FKBP9: variants seen among roughly 807,000 people sequenced by gnomAD.
The protein encoded by FKBP9 is FKBP prolyl isomerase 9.
FKBP9 carries 27 observed loss-of-function variants against 55.6 expected under a neutral mutation model. The ratio of observed to expected loss-of-function variants is 0.49; its 90% CI spans 0.36 to 0.67. The LOEUF is 0.67. FKBP9 is among the 30% of genes least tolerant of loss of function. The pLI, the probability that FKBP9 is intolerant of heterozygous loss-of-function variation, is 0.00. For missense variants in FKBP9, 539 were observed against 742.8 expected (o/e 0.73, Z 3.19); for synonymous variants, 267 against 296.5 (o/e 0.90, Z 1.02).
At chr7:32,982,506 A>C (rs2392177) in intron 5 of FKBP9, among the ~76,000 whole-genome samples, 3 of 151,956 alleles carry the variant, frequency 2.0e-5, no homozygotes, top group Non-Finnish European at 4.4e-5. Context: ...TTACATCTAC[A>C]TGGCGTCCCA....
At chr7:32,967,985 C>T (rs1481419909) in intron 1 of FKBP9, among the ~76,000 whole-genome samples, 2 of 152,178 alleles carry the variant, frequency 1.3e-5, no homozygotes, top group African/African-American at 4.8e-5. Flanking sequence ...TAACTCCCGA[C>T]CTCAGGTGAT....
chr7:32,964,345 TG>T (rs1784092010), intron 1 of FKBP9, among the ~76,000 whole-genome samples: 1 of 152,240 alleles, frequency 6.6e-6, no homozygotes, highest in African/African-American at 2.4e-5. Context: ...GGTATTTTAC[TG>T]GGCTAAGCCC....
intron 1 of FKBP9, among the ~76,000 whole-genome samples, chr7:32,961,102 G>A (rs1306372831): frequency 2.0e-5 from 3 of 152,188 alleles, no homozygotes; most frequent in Non-Finnish European, 2.9e-5. Context: ...AGAAAGGTAA[G>A]TAGCTATGAA....
chr7:32,962,411 A>ACTAT (rs1263909873), intron 1 of FKBP9, among the ~76,000 whole-genome samples: 2 of 152,146 alleles, frequency 1.3e-5, no homozygotes, highest in African/African-American at 4.8e-5. Flanking sequence ...TAACTAACTA[A>ACTAT]ATAAAAGAAT....
At chr7:32,997,841 A>C (rs2127988606) in intron 7 of FKBP9, among the ~76,000 whole-genome samples, 1 of 152,212 alleles carries the variant, frequency 6.6e-6, no homozygotes, top group African/African-American at 2.4e-5. Flanking sequence ...AAAGAAAGAA[A>C]AAGAAAAGAC....
At chr7:33,003,115 A>G (rs1784963451) in intron 9 of FKBP9, among the ~76,000 whole-genome samples, 1 of 152,234 alleles carries the variant, frequency 6.6e-6, no homozygotes. Context: ...TGGGTGCTCA[A>G]TGCCTGCCTG....
chr7:32,980,224 AT>A (rs1222644623), intron 4 of FKBP9, 139 bp from the exon 5 acceptor site: 1 of 712,558 alleles, frequency 1.4e-6, no homozygotes, highest in African/African-American at 1.8e-5. Flanking sequence ...ATGGGGGCCC[AT>A]TCAAGACCTG....
chr7:32,976,741 C>T (rs557448408), intron 4 of FKBP9, among the ~76,000 whole-genome samples: 3 of 152,306 alleles, frequency 2.0e-5, no homozygotes, highest in Non-Finnish European at 4.4e-5. Flanking sequence ...CCATAGTGGA[C>T]AGTGCAGATA....
At chr7:33,003,353 CAG>C (rs1784968112) in intron 9 of FKBP9, among the ~76,000 whole-genome samples, 1 of 152,218 alleles carries the variant, frequency 6.6e-6, no homozygotes, top group African/African-American at 2.4e-5. Flanking sequence ...GCACATCCTC[CAG>C]CCTTTTCCTC....
chr7:32,999,009 T>G (rs186535952), intron 7 of FKBP9, among the ~76,000 whole-genome samples: 3 of 152,154 alleles, frequency 2.0e-5, no homozygotes. Context: ...GATGACTGAG[T>G]TCTGGAATAT....
chr7:33,004,250 T>G (rs1018202393), intron 9 of FKBP9, among the ~76,000 whole-genome samples: 24 of 152,074 alleles, frequency 1.6e-4, no homozygotes, highest in African/African-American at 4.6e-4. Flanking sequence ...TTCATGAAGC[T>G]CCTCCTGCCC....
chr7:32,976,638 A>G (rs1359408726), intron 4 of FKBP9, 139 bp downstream of exon 4: 2 of 1,233,324 alleles, frequency 1.6e-6, no homozygotes, highest in African/African-American at 3.1e-5. Flanking sequence ...CACTAGCTAC[A>G]TGTGGCTATT....
intron 1 of FKBP9, among the ~76,000 whole-genome samples, chr7:32,967,237 T>TA (rs1344958731): frequency 2.6e-5 from 4 of 152,196 alleles, no homozygotes; most frequent in African/African-American, 4.8e-5. Context: ...GTTATTACTT[T>TA]AAAAAAACCA....
At chr7:32,964,334 T>C (rs1232414301) in intron 1 of FKBP9, among the ~76,000 whole-genome samples, 1 of 152,226 alleles carries the variant, frequency 6.6e-6, no homozygotes, top group African/African-American at 2.4e-5. Context: ...TTTGGCTGTA[T>C]GGTATTTTAC....
intron 4 of FKBP9, chr7:32,979,538 T>A: frequency 6.4e-7 from 1 of 1,550,528 alleles, no homozygotes; most frequent in Non-Finnish European, 8.7e-7. Flanking sequence ...CGGCATCTGG[T>A]TTGCTTGTCT....
At chr7:32,988,135 G>A (rs1418590429) in intron 5 of FKBP9, among the ~76,000 whole-genome samples, 1 of 152,158 alleles carries the variant, frequency 6.6e-6, no homozygotes, top group Non-Finnish European at 1.5e-5. Flanking sequence ...AGCTGTCTAT[G>A]ATGGTGCCAC....
chr7:32,989,800 G>A (rs1414747186), intron 6 of FKBP9, among the ~76,000 whole-genome samples: 3 of 152,018 alleles, frequency 2.0e-5, no homozygotes, highest in Non-Finnish European at 4.4e-5. Flanking sequence ...CCCAGAACCT[G>A]TGAGTATGTT....
At chr7:32,960,108 C>CTTTTTTTTT in intron 1 of FKBP9, among the ~76,000 whole-genome samples, 1 of 98,630 alleles carries the variant, frequency 1.0e-5, no homozygotes, top group Admixed American at 1.3e-4. Context: ...TTGTACTTGT[C>CTTTTTTTTT]TTTTTTTTTT....
chr7:33,006,302 G>A lies in FKBP9; in HGVS notation c.*951G>A, dbSNP rs1167087435. 3.2e-5 allele frequency: 6 copies of A among 189,536 alleles called. No individual in the cohort carries two copies. The East Asian group carries it at 5.1e-4, about 16-fold the overall frequency. 11.7% of individuals were successfully genotyped at this position (189,536 alleles called of 1,614,324 possible). The stretch of plus-strand genomic sequence containing the variant: ...CCGGCTAATTTTTGTATTTTTAGTA[G>A]AGACGGGGTTTCACTGTGTTGGCCA... On this transcript the variant is annotated 3_prime_UTR_variant, in exon 10 of 10. Transcript: ENST00000242209.
Sources: allele counts gnomAD v4.1 joint callset (sites outside exome capture counted in the v4.1 genomes callset), GRCh38; gene constraint gnomAD v4.1.1; transcripts MANE v1.5; gene names NCBI Gene and HGNC (gene_info 2026-07-23, HGNC 2026-07-21).